The following FGB variants were observed in gnomAD, a reference collection of about 807,000 sequenced individuals.
FGB encodes fibrinogen beta chain.
Under a neutral mutation model 57.9 loss-of-function variants are expected in FGB, and 25 were observed. The observed-to-expected ratio is 0.43, with a 90% confidence interval of 0.31 to 0.60. FGB has a LOEUF of 0.60. Ranked by LOEUF, FGB falls within the 20% of genes least tolerant of loss-of-function variation. The pLI, the probability that FGB is intolerant of heterozygous loss-of-function variation, is 0.08. For missense variants in FGB, 536 were observed against 598.4 expected, an observed-to-expected ratio of 0.90 and a Z score of 1.09; for synonymous variants, 203 against 199.2, an observed-to-expected ratio of 1.02 and a Z score of -0.16.
chr4:154,566,011 G>A lies in FGB; in HGVS notation c.306+12G>A. ...CTGACCCAGACCTGGTGGGTGCACT[G>A]ATGTTTCTTGCAGTGGTGGCTCTCT... On this transcript the variant is annotated intron_variant, in intron 2 of 7. Coordinates refer to ENST00000302068, the MANE Select transcript of FGB (RefSeq NM_005141.5). 1 of 1,611,042 alleles carries A rather than the reference G, an allele frequency of 6.2e-7. No individual in the cohort carries two copies.
At position 154,569,789 on chromosome 4, in the gene FGB, A is replaced by T. The variant is rs776578431; in HGVS notation, c.1234A>T (p.Asn412Tyr). The T allele has an allele frequency of 8.1e-6, 13 of 1,614,064 alleles. No individual in the cohort carries two copies. The highest frequency in any genetic ancestry group is 1.1e-5 in the Non-Finnish European group (13 of 1,180,032). The change falls in exon 7 of 8, where the codon AAT becomes TAT. Residue 412 changes from asparagine to tyrosine, a missense_variant. This residue lies in a region of FGB where 177 missense variants were observed against 193.7 expected (regional missense o/e 0.91). Transcript: ENST00000302068. ...GMFFSTYDRDNDGWLTSDPRK... is the reference protein window; with the variant it reads ...GMFFSTYDRDYDGWLTSDPRK... ...GTTCTTCAGCACGTATGACAGAGAC[A>T]ATGACGGCTGGTATGTGTGGCACTC...
In FGB at chr4:154,566,868, T is replaced by A. The variant is rs1360147367; in HGVS notation, c.490+196T>A. On this transcript the variant is annotated intron_variant, in intron 3 of 7. Coordinates refer to ENST00000302068, the MANE Select transcript of FGB (RefSeq NM_005141.5). The stretch of plus-strand genomic sequence containing the variant: ...TTATTCCCAGTCTGACATCAGCAAG[T>A]GTGATTTTCTATGAAAAATTCTACT... 8 of 590,080 alleles carry A rather than the reference T, an allele frequency of 1.4e-5. No individual in the cohort carries two copies. In the East Asian group the frequency reaches 2.3e-4, roughly 17 times the overall value. The allele number at this position is 590,080 out of a possible 1,614,324, so 36.6% of individuals were successfully genotyped here. A position where few individuals can be genotyped will look rare whatever the true frequency, so the allele number is the denominator to read the frequency against.
chr4:154,567,654 T>C lies in FGB; in HGVS notation c.552T>C (p.Asp184=), dbSNP rs770695888. The C allele has an allele frequency of 1.2e-6, 2 of 1,613,172 alleles. No homozygotes were observed. Among genetic ancestry groups the C allele is most frequent in the Non-Finnish European group, 1.7e-6 (2 of 1,179,118 alleles). Residue 184 remains aspartate (D), a synonymous_variant, in exon 4 of 8, where the codon GAT becomes GAC. Transcript: ENST00000302068. The part of the protein sequence containing the change: ...SELEKHQLYI[D]ETVNSNIPTN... ...TGGAAAAGCACCAATTATATATAGA[T>C]GAGACTGTGAATAGCAATATCCCAA...
Position 154,568,413 on chromosome 4 carries a change from A to G in FGB, c.751A>G (p.Thr251Ala), listed in dbSNP as rs541789688. The change falls in exon 5 of 8, where the codon ACA (threonine) becomes GCA (alanine). Residue 251 changes from threonine (T) to alanine (A), a missense_variant. By Grantham distance (58) the Thr-to-Ala change is moderately conservative. Around this residue, in one of 3 missense-constraint regions of FGB, gnomAD observed 354 missense variants for 383.4 expected, o/e 0.92. Transcript: ENST00000302068. ...CEEIIRKGGE[T>A]SEMYLIQPDS... ...GGAAATTATCAGGAAAGGAGGTGAA[A>G]CATCTGAAATGTATCTCATTCAACC... 6.2e-7 allele frequency: 1 copy of G among 1,605,466 alleles called. No individual in the cohort carries two copies. Among genetic ancestry groups the G allele is most frequent in the South Asian group, 1.1e-5 (1 of 90,906 alleles).
intron 7 of FGB, 116 bp from the exon 8 acceptor site, chr4:154,570,303 C>G (rs1194453970): frequency 3.9e-6 from 3 of 775,054 alleles, no homozygotes; most frequent in Admixed American, 4.0e-5. Context: ...ATGTATAGCA[C>G]CCAAAGGAAA....
At position 154,569,804 on chromosome 4, in the gene FGB, G is replaced by A. The variant is rs921694085; in HGVS notation, c.1244+5G>A. ...TGACAGAGACAATGACGGCTGGTAT[G>A]TGTGGCACTCTTTGCTCCTGCTTTA... is the stretch of plus-strand genomic sequence containing the variant. On this transcript the variant is annotated splice_donor_5th_base_variant and intron_variant, in intron 7 of 7. Coordinates refer to ENST00000302068, the MANE Select transcript of FGB (RefSeq NM_005141.5). The A allele has an allele frequency of 6.2e-7, 1 of 1,614,054 alleles. No homozygotes were observed. Among genetic ancestry groups the A allele is most frequent in the Non-Finnish European group, 8.5e-7 (1 of 1,179,968 alleles).
In FGB at chr4:154,565,837, C is replaced by G. The variant is rs909761264; in HGVS notation, c.144C>G (p.Pro48=). The G allele has an allele frequency of 1.6e-5, 26 of 1,614,052 alleles. No individual in the cohort carries two copies. Among genetic ancestry groups the G allele is most frequent in the Non-Finnish European group, 2.2e-5 (26 of 1,180,032 alleles). Residue 48 remains proline (P), a synonymous_variant, in exon 2 of 8, where the codon CCC becomes CCG. Transcript: ENST00000302068. ...TCTTCAGTGCCCGTGGTCATCGACC[C>G]CTTGACAAGAAGAGAGAAGAGGCTC... The part of the protein sequence containing the change: ...EGFFSARGHR[P]LDKKREEAPS...
In FGB at chr4:154,565,077, A is replaced by G. The variant is rs2227400; in HGVS notation, c.115-731A>G. ...GATTCCAGTAAAAATAGTAATGAGC[A>G]CTTATTATTGCCAAGTACTGTTCTG... On this transcript the variant is annotated intron_variant, in intron 1 of 7. Transcript: ENST00000302068. 6.1e-4 allele frequency: 156 copies of G among 254,292 alleles called. 1 individual carries two copies. Among genetic ancestry groups the G allele is most frequent in the African/African-American group, 3.4e-3 (147 of 43,264 alleles). 15.8% of individuals were successfully genotyped at this position (254,292 alleles called of 1,614,324 possible).
At position 154,570,628 on chromosome 4, in the gene FGB, G is replaced by T; in HGVS notation, c.1454G>T (p.Arg485Met). The change falls in exon 8 of 8, where the codon AGG (arginine) becomes ATG (methionine). Residue 485 changes from arginine to methionine, a missense_variant. By Grantham distance (91) the Arg-to-Met change is moderately conservative (BLOSUM62 -1). Transcript: ENST00000302068. ...YSMRKMSMKI[R>M]PFFPQQ ...ATGAGGAAGATGAGTATGAAGATCA[G>T]GCCCTTCTTCCCACAGCAATAGTCC... is the stretch of plus-strand genomic sequence containing the variant. 6.2e-7 allele frequency: 1 copy of T among 1,613,854 alleles called. No individual in the cohort carries two copies. Among genetic ancestry groups the T allele is most frequent in the East Asian group, 2.2e-5 (1 of 44,874 alleles).
rs1730171175 is a variant in FGB at position 154,566,596 on chromosome 4, C to A, written c.414C>A (p.Ser138=). 5.0e-6 allele frequency: 8 copies of A among 1,614,034 alleles called. No individual in the cohort carries two copies. The highest frequency in any genetic ancestry group is 6.8e-6 in the Non-Finnish European group (8 of 1,179,984). ...DELNNNVEAV[S]QTSSSSFQYM... ...TAAATAACAATGTGGAAGCTGTTTC[C>A]CAGACCTCCTCTTCTTCCTTTCAGT... The change falls in exon 3 of 8, where the codon TCC becomes TCA. Residue 138 remains serine, a synonymous_variant. Coordinates refer to ENST00000302068, the MANE Select transcript of FGB (RefSeq NM_005141.5).
chr4:154,565,347 A>C (rs191251266), intron 1 of FGB: 3 of 309,868 alleles, frequency 9.7e-6, no homozygotes, highest in Admixed American at 4.8e-5. Context: ...ACCTTTAATA[A>C]GTCTTTAATG....
chr4:154,569,910 A>G, intron 7 of FGB, 111 bp downstream of exon 7: 1 of 1,180,596 alleles, frequency 8.5e-7, no homozygotes, highest in Non-Finnish European at 1.3e-6. Flanking sequence ...ACTGTCAGCC[A>G]CTGTCCTAAG....
At position 154,568,362 on chromosome 4, in the gene FGB, T is replaced by A. The variant is rs199703229; in HGVS notation, c.719-19T>A. The A allele has an allele frequency of 8.0e-7, 1 of 1,251,366 alleles. No homozygotes were observed. The highest frequency in any genetic ancestry group is 2.3e-5 in the East Asian group (1 of 43,242). 77.5% of individuals were successfully genotyped at this position (1,251,366 alleles called of 1,614,324 possible). A position where few individuals can be genotyped will look rare whatever the true frequency, so the allele number is the denominator to read the frequency against. On this transcript the variant is annotated intron_variant, in intron 4 of 7. Transcript: ENST00000302068. ...TTATGTCATAAACCCCTGAACATAA[T>A]GTTGTCTTACATTTGCAGAATGTGA...
intron 3 of FGB, 74 bp downstream of exon 3, chr4:154,566,746 G>A: frequency 1.4e-6 from 2 of 1,384,208 alleles, no homozygotes. Context: ...GAGAATGCAT[G>A]GTTGTGAGAA....
chr4:154,570,329 G>A (rs1045290635), intron 7 of FGB, 90 bp from the exon 8 acceptor site: 17 of 903,948 alleles, frequency 1.9e-5, no homozygotes, highest in African/African-American at 3.3e-5. Flanking sequence ...CTGTGCACAC[G>A]AGTGTAGCAG....
At chr4:154,569,914 T>C in intron 7 of FGB, 115 bp downstream of exon 7, 1 of 1,110,692 alleles carries the variant, frequency 9.0e-7, no homozygotes, top group Non-Finnish European at 1.4e-6. Flanking sequence ...TCAGCCACTG[T>C]CCTAAGCTCT....
chr4:154,567,881 G>C (rs1730230781), intron 4 of FGB, 61 bp downstream of exon 4: 22 of 1,165,762 alleles, frequency 1.9e-5, no homozygotes, highest in Non-Finnish European at 2.3e-5. Context: ...CCAAAAATAA[G>C]AGAACAACAA....
At chr4:154,566,087 C>A in intron 2 of FGB, 88 bp downstream of exon 2, 1 of 1,074,484 alleles carries the variant, frequency 9.3e-7, no homozygotes, top group Non-Finnish European at 1.4e-6. Flanking sequence ...TTCACTGACC[C>A]ACATTACCAT....
At chr4:154,569,479 A>AT in intron 6 of FGB, 35 bp from the exon 7 acceptor site, 1 of 1,601,428 alleles carries the variant, frequency 6.2e-7, no homozygotes, top group Non-Finnish European at 8.5e-7. Context: ...CCAAAATTTT[A>AT]TTTTTGGTGA....
Sources: allele counts gnomAD v4.1 joint callset, GRCh38; gene constraint gnomAD v4.1.1; regional missense constraint gnomAD v4.1.1; transcripts MANE v1.5; gene names NCBI Gene and HGNC (gene_info 2026-07-23, HGNC 2026-07-21).